MGAM2: variants seen among roughly 807,000 people sequenced by gnomAD.
MGAM2 encodes the protein maltase-glucoamylase 2 (putative), also known as probable maltase-glucoamylase 2.
MGAM2 carries 98 observed loss-of-function variants against 96.1 expected under a neutral mutation model. The observed-to-expected ratio is 1.02, with a 90% CI of 0.87 to 1.21. The LOEUF is 1.21. Ranked by LOEUF, MGAM2 falls within the 50% of genes most tolerant of loss-of-function variation. The pLI is 0.00. For missense variants in MGAM2, 2,055 were observed against 1,182.4 expected, an observed-to-expected ratio of 1.74 and a Z score of -10.82; for synonymous variants, 749 against 414.8, an observed-to-expected ratio of 1.81 and a Z score of -9.79.
intron 17 of MGAM2, among the ~76,000 whole-genome samples, chr7:142,156,311 A>G (rs2129085121): frequency 6.6e-6 from 1 of 152,332 alleles, no homozygotes; most frequent in South Asian, 2.1e-4. Context: ...GAGCTATTTT[A>G]TATCCTTTTC....
rs1817424939 is a variant in MGAM2 at position 142,116,945 on chromosome 7, C to G, written c.72C>G (p.Ile24Met). ...GCTTAATTGTGGTGACCATAGATAT[C>G]CTCTTGCTGCTTCTTGTGTTGGAGG... ...IFCLIVVTID[I>M]LLLLLVLEET... The change falls in exon 2 of 48, where the codon ATC (isoleucine) becomes ATG (methionine). Residue 24 changes from isoleucine to methionine, a missense_variant. Ile to Met is a conservative substitution (Grantham distance 10, BLOSUM62 1). Transcript: ENST00000477922. 4.3e-6 allele frequency: 3 copies of G among 703,124 alleles called. No homozygotes were observed. Among genetic ancestry groups the G allele is most frequent in the Non-Finnish European group, 7.8e-6 (3 of 385,016 alleles). The allele number at this position is 703,124 out of a possible 1,614,324, so 43.6% of individuals were successfully genotyped here. A position where few individuals can be genotyped will look rare whatever the true frequency, so the allele number is the denominator to read the frequency against.
rs1295695692 is a variant in MGAM2 at position 142,167,362 on chromosome 7, C to T, written c.2903C>T (p.Ala968Val). 4.3e-6 allele frequency: 3 copies of T among 702,768 alleles called. No homozygotes were observed. Among genetic ancestry groups the T allele is most frequent in the African/African-American group, 1.7e-5 (1 of 57,240 alleles). The allele number at this position is 702,768 out of a possible 1,614,324, so 43.5% of individuals were successfully genotyped here. A position where few individuals can be genotyped will look rare whatever the true frequency, so the allele number is the denominator to read the frequency against. ...CAGTACCTGAACACCAGCATCACTG[C>T]AGACCTTTCCCTCCCGATGGCCCCT... ...DIQYLNTSIT[A>V]DLSLPMAPES... is the part of the protein sequence containing the mutation. Residue 968 changes from alanine to valine, a missense_variant, in exon 26 of 48, where the codon GCA (alanine) becomes GTA (valine). Coordinates refer to ENST00000477922, the MANE Select transcript of MGAM2 (RefSeq NM_001293626.2).
At chr7:142,132,190 T>C (rs1794909286) in intron 6 of MGAM2, 105 bp downstream of exon 6, 1 of 528,050 alleles carries the variant, frequency 1.9e-6, no homozygotes, top group Non-Finnish European at 3.3e-6. Context: ...CTAGAGAAAA[T>C]GTTTGAATAT....
intron 44 of MGAM2, among the ~76,000 whole-genome samples, chr7:142,199,245 C>A (rs913522638): frequency 6.6e-6 from 1 of 152,106 alleles, no homozygotes; most frequent in Non-Finnish European, 1.5e-5. Context: ...TTAAACAGAA[C>A]ACGTCACATC....
At chr7:142,201,309 A>T (rs1306586568) in intron 45 of MGAM2, among the ~76,000 whole-genome samples, 2 of 151,534 alleles carry the variant, frequency 1.3e-5, no homozygotes, top group African/African-American at 4.8e-5. Context: ...GCCTCAAGTG[A>T]TTCACCCACC....
intron 45 of MGAM2, 105 bp downstream of exon 45, chr7:142,200,073 T>A: frequency 2.0e-6 from 1 of 500,340 alleles, no homozygotes; most frequent in Non-Finnish European, 3.5e-6. Context: ...CTGCCTATTG[T>A]CAATAAGGCA....
chr7:142,171,255 C>T lies in MGAM2; in HGVS notation c.3183-17C>T, dbSNP rs1339011692. 1.4e-6 allele frequency: 1 copy of T among 702,292 alleles called. No homozygotes were observed. The highest frequency in any genetic ancestry group is 2.0e-5 in the Admixed American group (1 of 49,994). 43.5% of individuals were successfully genotyped at this position (702,292 alleles called of 1,614,324 possible). A position where few individuals can be genotyped will look rare whatever the true frequency, so the allele number is the denominator to read the frequency against. On this transcript the variant is annotated splice_polypyrimidine_tract_variant and intron_variant, in intron 27 of 47. Transcript: ENST00000477922. ...CCAGTGGTCTCCAGCTCAGCGTGAT[C>T]TGCTTTTGTGTTGCAGTTGGGATTC...
chr7:142,178,979 C>A (rs1486011949), intron 32 of MGAM2, among the ~76,000 whole-genome samples: 1 of 151,972 alleles, frequency 6.6e-6, no homozygotes. Context: ...AGTTCTTTCA[C>A]CTGCTTGGTT....
rs1794749067 is a variant in MGAM2 at position 142,126,976 on chromosome 7, CA to C, written c.187-3969del. On this transcript the variant is annotated intron_variant, in intron 3 of 47. Coordinates refer to ENST00000477922, the MANE Select transcript of MGAM2 (RefSeq NM_001293626.2). Reference sequence around the variant, plus strand: ...TTAGTTTATAATGAAAATGACACTGCAAATCAGTGGTGGAAACAAGCTGGAT... The same window carrying C: ...TTAGTTTATAATGAAAATGACACTGCAATCAGTGGTGGAAACAAGCTGGAT... Among the ~76,000 whole-genome samples, 3 of 152,172 alleles carry C rather than the reference CA, an allele frequency of 2.0e-5. No homozygotes were observed. The East Asian group carries it at 5.8e-4, about 29-fold the overall frequency.
In MGAM2 at chr7:142,174,715, C is replaced by CTCTCTTTTT. The variant is rs1194981898; in HGVS notation, c.3688-936_3688-935insCTCTTTTTT. On this transcript the variant is annotated intron_variant, in intron 31 of 47. Coordinates refer to ENST00000477922, the MANE Select transcript of MGAM2 (RefSeq NM_001293626.2). ...ATGCCCTTTATTTCTCTCTCTCTCT[C>CTCTCTTTTT]TTTTTTTTTTTTTTTTTTGAGTTGG... Among the ~76,000 whole-genome samples, 159 of 85,440 alleles carry CTCTCTTTTT rather than the reference C, an allele frequency of 1.9e-3. 5 individuals are homozygous for CTCTCTTTTT. The highest frequency in any genetic ancestry group is 8.4e-3 in the African/African-American group (148 of 17,574). 56.1% of individuals were successfully genotyped at this position (85,440 alleles called of 152,430 possible).
Position 142,186,099 on chromosome 7 carries a change from C to T in MGAM2, c.4098C>T (p.Ser1366=). The T allele has an allele frequency of 1.4e-6, 1 of 705,214 alleles. No homozygotes were observed. Among genetic ancestry groups the T allele is most frequent in the Non-Finnish European group, 2.6e-6 (1 of 384,996 alleles). The allele number at this position is 705,214 out of a possible 1,614,324, so 43.7% of individuals were successfully genotyped here. ...LYANPREPEK[S]LKFDGLWIDM... ...CAAACCCTCGAGAGCCAGAGAAGAG[C>T]TTGAAGTTTGATGGATTGTGGATTG... Residue 1366 remains serine (S), a synonymous_variant, in exon 35 of 48, where the codon AGC becomes AGT. Coordinates refer to ENST00000477922, the MANE Select transcript of MGAM2 (RefSeq NM_001293626.2).
chr7:142,175,653 A>G lies in MGAM2; in HGVS notation c.3689A>G (p.Asp1230Gly), dbSNP rs754754888. Reference sequence around the variant, plus strand: ...GAGCCTTGCTGCTTCTTTCTGCAGGACGTCCAGCATGTAGACATCGATTAC... The same window carrying G: ...GAGCCTTGCTGCTTCTTTCTGCAGGGCGTCCAGCATGTAGACATCGATTAC... ...DAMVAAQIPYDVQHVDIDYMN... is the reference protein window; with the variant it reads ...DAMVAAQIPYGVQHVDIDYMN... Residue 1230 changes from aspartate (D) to glycine (G), a missense_variant and splice_region_variant, in exon 32 of 48, where the codon GAC (aspartate) becomes GGC (glycine). Physicochemically the swap from Asp to Gly is moderately conservative, Grantham distance 94. Coordinates refer to ENST00000477922, the MANE Select transcript of MGAM2 (RefSeq NM_001293626.2). The G allele has an allele frequency of 1.4e-6, 1 of 702,648 alleles. No individual in the cohort carries two copies. Among genetic ancestry groups the G allele is most frequent in the East Asian group, 2.7e-5 (1 of 37,270 alleles). 43.5% of individuals were successfully genotyped at this position (702,648 alleles called of 1,614,324 possible).
At chr7:142,144,016 T>C in intron 13 of MGAM2, 134 bp downstream of exon 13, 1 of 568,620 alleles carries the variant, frequency 1.8e-6, no homozygotes, top group East Asian at 2.9e-5. Context: ...CAAAATTATT[T>C]TACTTAAGGC....
intron 1 of MGAM2, among the ~76,000 whole-genome samples, chr7:142,113,791 G>A (rs183241915): frequency 6.6e-5 from 10 of 152,186 alleles, no homozygotes; most frequent in South Asian, 4.1e-4. Flanking sequence ...ACGTGTCTGC[G>A]TAGTTTAAAA....
rs1414508497 is a variant in MGAM2 at position 142,220,453 on chromosome 7, C to T, written c.5942C>T (p.Thr1981Ile). Residue 1981 changes from threonine to isoleucine, a missense_variant, in exon 48 of 48, where the codon ACC (threonine) becomes ATC (isoleucine). By Grantham distance (89) the Thr-to-Ile change is moderately conservative. Coordinates refer to ENST00000477922, the MANE Select transcript of MGAM2 (RefSeq NM_001293626.2). Reference protein sequence around the residue: ...ASTNATIPITTTPFATSTISV... With the variant: ...ASTNATIPITITPFATSTISV... ...ACTAATGCTACTATTCCTATCACAA[C>T]CACACCTTTTGCAACAAGTACTATT... 1 of 702,564 alleles carries T rather than the reference C, an allele frequency of 1.4e-6. No individual in the cohort carries two copies. Among genetic ancestry groups the T allele is most frequent in the East Asian group, 2.7e-5 (1 of 37,260 alleles). The allele number at this position is 702,564 out of a possible 1,614,324, so 43.5% of individuals were successfully genotyped here. A position where few individuals can be genotyped will look rare whatever the true frequency, so the allele number is the denominator to read the frequency against.
intron 32 of MGAM2, among the ~76,000 whole-genome samples, chr7:142,180,909 A>G (rs972876208): frequency 2.6e-5 from 4 of 152,160 alleles, no homozygotes; most frequent in Non-Finnish European, 2.9e-5. Flanking sequence ...TTAGCCATTC[A>G]GTTAAAATGG....
intron 46 of MGAM2, among the ~76,000 whole-genome samples, chr7:142,217,081 T>TCTTGAC (rs1221743931): frequency 6.6e-5 from 10 of 152,308 alleles, no homozygotes; most frequent in African/African-American, 2.2e-4. Flanking sequence ...CTAAGTTCTC[T>TCTTGAC]CTTGACCCTC....
rs932559054 is a variant in MGAM2, at chr7:142,138,771, G to A, written c.1086+104G>A. 4.9e-6 allele frequency: 3 copies of A among 612,774 alleles called. No homozygotes were observed. In the African/African-American group the frequency reaches 5.5e-5, roughly 11 times the overall value. 38.0% of individuals were successfully genotyped at this position (612,774 alleles called of 1,614,324 possible). On this transcript the variant is annotated intron_variant, in intron 10 of 47. Coordinates refer to ENST00000477922, the MANE Select transcript of MGAM2 (RefSeq NM_001293626.2). ...AAAAATGTAGATAAATCATTAGATT[G>A]ATAGACAGGCACACTTGCTGGCAGA... is the stretch of plus-strand genomic sequence containing the variant.
At chr7:142,112,521 G>A (rs1368937127) in intron 1 of MGAM2, among the ~76,000 whole-genome samples, 2 of 152,158 alleles carry the variant, frequency 1.3e-5, no homozygotes, top group Non-Finnish European at 2.9e-5. Context: ...TATAAGAAAC[G>A]AAGTTTGATA....
Sources: allele counts gnomAD v4.1 joint callset (sites outside exome capture counted in the v4.1 genomes callset), GRCh38; gene constraint gnomAD v4.1.1; transcripts MANE v1.5; gene names NCBI Gene and HGNC (gene_info 2026-07-23, HGNC 2026-07-21).